The following PATJ variants were observed in gnomAD, a reference collection of about 807,000 sequenced individuals.
The protein encoded by PATJ is inaD-like protein.
PATJ carries 190 observed loss-of-function variants against 224.9 expected under a neutral mutation model. The ratio of observed to expected loss-of-function variants is 0.84; its 90% CI spans 0.75 to 0.95. The LOEUF (loss-of-function observed/expected upper bound fraction) is 0.95. Among genes scored for constraint, PATJ ranks in the 40% least tolerant of loss-of-function variants. The pLI is 0.00. For synonymous variants in PATJ, 769 were observed against 820.3 expected (o/e 0.94, Z 1.07); for missense variants, 2,121 against 2,270.3 (o/e 0.93, Z 1.34).
chr1:62,120,899 G>A (rs905795051), intron 37 of PATJ: 13 of 350,058 alleles, frequency 3.7e-5, no homozygotes, highest in South Asian at 3.6e-4. Context: ...TTTATGTGGA[G>A]CAAGAACAGC....
intron 6 of PATJ, 38 bp downstream of exon 6, chr1:61,771,664 A>G: frequency 7.1e-7 from 1 of 1,400,640 alleles, no homozygotes; most frequent in Non-Finnish European, 9.7e-7. Flanking sequence ...AATTTTGAAT[A>G]ATGCCATTGA....
rs1274894642 is a variant in PATJ at position 61,871,079 on chromosome 1, G to GT, written c.2836-4151dup. On this transcript the variant is annotated intron_variant, in intron 20 of 43. Coordinates refer to ENST00000642238, the MANE Select transcript of PATJ (RefSeq NM_001350145.3). ...TAAAGATTTGGTTTTTGTTTTTTTT[G>GT]TTTTTTTTTTTTTGCCTGAGGGTTA... 8.4e-3 allele frequency among the ~76,000 whole-genome samples: 544 copies of GT among 64,836 alleles called. 2 individuals are homozygous for GT. The highest frequency in any genetic ancestry group is 0.018 in the East Asian group (30 of 1,712). 42.5% of individuals were successfully genotyped at this position (64,836 alleles called of 152,430 possible). A position where few individuals can be genotyped will look rare whatever the true frequency, so the allele number is the denominator to read the frequency against.
chr1:62,002,709 CAAA>C (rs766357883), intron 28 of PATJ, among the ~76,000 whole-genome samples: 12 of 112,796 alleles, frequency 1.1e-4, no homozygotes, highest in East Asian at 3.1e-4. Flanking sequence ...AACTCTGTCT[CAAA>C]AAAAAAAAAA....
intron 16 of PATJ, among the ~76,000 whole-genome samples, chr1:61,828,513 C>T (rs1658723201): frequency 6.6e-6 from 1 of 151,908 alleles, no homozygotes; most frequent in South Asian, 2.1e-4. Flanking sequence ...CCTCAGCCTC[C>T]CAAGTAGCTG....
chr1:61,831,175 G>A (rs552684609), intron 16 of PATJ, among the ~76,000 whole-genome samples: 14 of 140,168 alleles, frequency 1.0e-4, no homozygotes, highest in Admixed American at 1.5e-4. Flanking sequence ...GTGACAGAGC[G>A]AGACTCTGTC....
Position 61,775,172 on chromosome 1 carries a change from G to C in PATJ, c.721-34G>C, listed in dbSNP as rs1646843179. ...AAGCTAAGAACCTGTGTGTATTACT[G>C]ATACTGCGACTCTTATTTGCCATTA... On this transcript the variant is annotated intron_variant, in intron 6 of 43. Coordinates refer to ENST00000642238, the MANE Select transcript of PATJ (RefSeq NM_001350145.3). The C allele has an allele frequency of 3.8e-6, 6 of 1,592,894 alleles. No homozygotes were observed. In the South Asian group the frequency reaches 6.9e-5, roughly 18 times the overall value.
intron 41 of PATJ, among the ~76,000 whole-genome samples, chr1:62,142,942 G>A (rs916858805): frequency 1.3e-5 from 2 of 152,154 alleles, no homozygotes; most frequent in African/African-American, 2.4e-5. Flanking sequence ...GGGGAGTGCG[G>A]ATACCCGTTT....
At chr1:61,973,828 A>G (rs1683296877) in intron 27 of PATJ, among the ~76,000 whole-genome samples, 1 of 152,026 alleles carries the variant, frequency 6.6e-6, no homozygotes, top group African/African-American at 2.4e-5. Context: ...AAATTAAAGC[A>G]TGTTTACTGT....
At chr1:61,894,412 C>T (rs905460271) in intron 22 of PATJ, among the ~76,000 whole-genome samples, 1 of 152,082 alleles carries the variant, frequency 6.6e-6, no homozygotes, top group Non-Finnish European at 1.5e-5. Flanking sequence ...AAATTGTAAT[C>T]CCCATGTGTC....
chr1:61,752,456 G>A (rs941198817), intron 1 of PATJ, among the ~76,000 whole-genome samples: 1 of 151,720 alleles, frequency 6.6e-6, no homozygotes, highest in East Asian at 2.0e-4. Context: ...TGGGATTACA[G>A]GCATCTGTCA....
At chr1:62,131,207 A>T (rs1400414810) in intron 41 of PATJ, among the ~76,000 whole-genome samples, 1 of 152,120 alleles carries the variant, frequency 6.6e-6, no homozygotes, top group African/African-American at 2.4e-5. Context: ...GGAAACCTAC[A>T]CAGTTAACTG....
At chr1:62,064,098 T>A (rs1221891970) in intron 31 of PATJ, among the ~76,000 whole-genome samples, 1 of 152,184 alleles carries the variant, frequency 6.6e-6, no homozygotes, top group African/African-American at 2.4e-5. Context: ...GAGGAATGCT[T>A]CCAGCTTTTA....
intron 30 of PATJ, among the ~76,000 whole-genome samples, chr1:62,046,233 G>A (rs1319591444): frequency 2.3e-5 from 3 of 129,548 alleles, no homozygotes; most frequent in Non-Finnish European, 4.8e-5. Flanking sequence ...GGAAAGGAAG[G>A]AAGGGAGGGA....
chr1:61,883,087 A>G (rs898314249), intron 21 of PATJ, among the ~76,000 whole-genome samples: 5 of 152,212 alleles, frequency 3.3e-5, no homozygotes, highest in African/African-American at 7.2e-5. Context: ...CATATGATCT[A>G]TTGTGGTGAG....
chr1:62,153,107 T>C (rs1668797909), intron 42 of PATJ, among the ~76,000 whole-genome samples: 1 of 152,198 alleles, frequency 6.6e-6, no homozygotes, highest in Admixed American at 6.5e-5. Flanking sequence ...CATGACTTTA[T>C]CTTTAATTAG....
Position 62,086,572 on chromosome 1 carries a change from A to AT in PATJ, c.4377+1931dup, listed in dbSNP as rs1660014361. On this transcript the variant is annotated intron_variant, in intron 33 of 43. Transcript: ENST00000642238. The surrounding 1 kb of genome is among the most constrained non-coding windows in gnomAD (Gnocchi z 4.0). Reference sequence around the variant, plus strand: ...CAAACATATCAGGGTCTATAAAACTATTTTTTTCCACATTGGGCAGTAATG... The same window carrying AT: ...CAAACATATCAGGGTCTATAAAACTATTTTTTTTCCACATTGGGCAGTAATG... 6.6e-6 allele frequency among the ~76,000 whole-genome samples: 1 copy of AT among 152,068 alleles called. No individual in the cohort carries two copies. The highest frequency in any genetic ancestry group is 1.5e-5 in the Non-Finnish European group (1 of 68,004).
intron 39 of PATJ, among the ~76,000 whole-genome samples, chr1:62,125,274 A>AAAAAAAC (rs1558204118): frequency 6.9e-6 from 1 of 145,898 alleles, no homozygotes; most frequent in African/African-American, 2.5e-5. Context: ...CAAAAAAAAA[A>AAAAAAAC]CGCCATTAGC....
intron 1 of PATJ, among the ~76,000 whole-genome samples, chr1:61,743,215 C>G (rs944973850): frequency 2.0e-5 from 3 of 152,170 alleles, no homozygotes; most frequent in African/African-American, 7.2e-5. Flanking sequence ...GAGGTTCTGT[C>G]GGAAAGTGCT....
chr1:61,745,440 AT>A (rs1644972133), intron 1 of PATJ, among the ~76,000 whole-genome samples: 1 of 151,696 alleles, frequency 6.6e-6, no homozygotes, highest in Non-Finnish European at 1.5e-5. Context: ...TACCTGGCTA[AT>A]TTTTGTATTT....
Sources: allele counts gnomAD v4.1 joint callset (sites outside exome capture counted in the v4.1 genomes callset), GRCh38; gene constraint gnomAD v4.1.1; non-coding constraint Gnocchi (gnomAD v3.1); transcripts MANE v1.5; gene names NCBI Gene and HGNC (gene_info 2026-07-23, HGNC 2026-07-21).